Variants in ZNF101 observed in about 807,000 individuals in gnomAD.
ZNF101 encodes zinc finger protein 101 (Y2).
Under a neutral mutation model 42.6 loss-of-function variants are expected in ZNF101, and 34 were observed. That is an observed-to-expected ratio of 0.80 (90% CI 0.61 to 1.06). The LOEUF is 1.06. ZNF101 is among the 50% of genes least tolerant of loss of function. The pLI, the probability that ZNF101 is intolerant of heterozygous loss-of-function variation, is 0.00. For missense variants in ZNF101, 466 were observed against 530.9 expected (o/e 0.88, Z 1.20); for synonymous variants, 158 against 183.9 (o/e 0.86, Z 1.14).
In ZNF101 at chr19:19,679,718, T is replaced by G. The variant is rs2062226439; in HGVS notation, c.729T>G (p.His243Gln). 6.2e-7 allele frequency: 1 copy of G among 1,614,050 alleles called. No individual in the cohort carries two copies. Among genetic ancestry groups the G allele is most frequent in the Non-Finnish European group, 8.5e-7 (1 of 1,180,014 alleles). Residue 243 changes from histidine (H) to glutamine (Q), a missense_variant, in exon 4 of 4, where the codon CAT (histidine) becomes CAG (glutamine). Coordinates refer to ENST00000592502, the MANE Select transcript of ZNF101 (RefSeq NM_033204.4). ...PIDYPSLFQI[H>Q]VRTHTGEKPY... ...ATTATCCCAGTTTATTTCAAATTCA[T>G]GTTAGAACTCACACTGGAGAAAAAC...
At chr19:19,668,608 C>T (rs2062147157), upstream of ZNF101, among the ~76,000 whole-genome samples, 1 of 152,090 alleles carries the variant, frequency 6.6e-6, no homozygotes, top group African/African-American at 2.4e-5. Flanking sequence ...CATGCAAGTC[C>T]AGGTCCAAGG....
chr19:19,672,557 T>A (rs925299473), intron 1 of ZNF101, among the ~76,000 whole-genome samples: 1 of 123,220 alleles, frequency 8.1e-6, no homozygotes, highest in East Asian at 2.4e-4. Context: ...GCGGGGGGGG[T>A]CTCTGTTGCC....
upstream of ZNF101, chr19:19,668,783 C>T (rs1259290200): frequency 1.6e-5 from 11 of 691,036 alleles, no homozygotes; most frequent in Non-Finnish European, 2.5e-5. Flanking sequence ...TCAGGTGCGC[C>T]GGGAGGAGGG....
chr19:19,673,662 T>C (rs2062184799), intron 1 of ZNF101, among the ~76,000 whole-genome samples: 1 of 151,390 alleles, frequency 6.6e-6, no homozygotes, highest in South Asian at 2.1e-4. Context: ...GACTTCTTGG[T>C]TTTGTAATTT....
chr19:19,668,736 C>G, upstream of ZNF101: 1 of 505,168 alleles, frequency 2.0e-6, no homozygotes, highest in East Asian at 3.4e-5. Flanking sequence ...ACCTGGGGCA[C>G]CAGCCAGTCA....
At chr19:19,670,597 A>G (rs2062162236) in intron 1 of ZNF101, among the ~76,000 whole-genome samples, 1 of 152,056 alleles carries the variant, frequency 6.6e-6, no homozygotes, top group Non-Finnish European at 1.5e-5. Flanking sequence ...TTTCTACAAC[A>G]AATACAAAAA....
In ZNF101 at chr19:19,683,489, G is replaced by A. The variant is rs975850598; in HGVS notation, c.*3189G>A. On this transcript the variant is annotated 3_prime_UTR_variant, in exon 4 of 4. Transcript: ENST00000592502. ...TGTTAGCTGCAGGTTTTTAATAAAT[G>A]CCTTAATTCAGTTTGAAGAAGTTCC... The A allele has an allele frequency of 6.6e-6, 1 of 152,032 alleles. No individual in the cohort carries two copies. Among genetic ancestry groups the A allele is most frequent in the Admixed American group, 6.6e-5 (1 of 15,252 alleles). The allele number at this position is 152,032 out of a possible 1,614,324, so 9.4% of individuals were successfully genotyped here.
At chr19:19,674,347 T>C (rs886127804) in intron 1 of ZNF101, among the ~76,000 whole-genome samples, 1 of 152,056 alleles carries the variant, frequency 6.6e-6, no homozygotes, top group Non-Finnish European at 1.5e-5. Context: ...TGGCTGATTG[T>C]GTATTTTTAG....
Position 19,679,519 on chromosome 19 carries a change from C to A in ZNF101, c.530C>A (p.Ala177Asp). The A allele has an allele frequency of 3.1e-6, 5 of 1,614,126 alleles. No homozygotes were observed. The South Asian group carries it at 3.3e-5, about 11-fold the overall frequency. Residue 177 changes from alanine to aspartate, a missense_variant, in exon 4 of 4, where the codon GCC (alanine) becomes GAC (aspartate). Ala to Asp is a moderately radical substitution (Grantham distance 126). Transcript: ENST00000592502. ...RPYECKVCGK[A>D]FNSPNLFQIH... ...TATGAATGCAAGGTGTGCGGGAAAG[C>A]CTTTAATTCTCCCAATTTATTTCAA...
At chr19:19,668,553 G>C (rs369480064), upstream of ZNF101, among the ~76,000 whole-genome samples, 3 of 152,068 alleles carry the variant, frequency 2.0e-5, no homozygotes, top group African/African-American at 7.2e-5. Flanking sequence ...GGAAGGAGGG[G>C]AACAGTCTGG....
chr19:19,668,976 C>T lies in ZNF101; in HGVS notation c.3+10C>T. ...CCGGAAGCCGGAAATGGTGAGCGTG[C>T]GGAGCCGGGCGTCCGGAGACCTGAG... On this transcript the variant is annotated intron_variant, in intron 1 of 3. Transcript: ENST00000592502. 2 of 1,584,892 alleles carry T rather than the reference C, an allele frequency of 1.3e-6. No homozygotes were observed. Among genetic ancestry groups the T allele is most frequent in the Non-Finnish European group, 8.6e-7 (1 of 1,166,616 alleles).
intron 1 of ZNF101, 41 bp downstream of exon 1, chr19:19,669,007 G>C: frequency 6.4e-7 from 1 of 1,568,934 alleles, no homozygotes; most frequent in Non-Finnish European, 8.6e-7. Context: ...CTGAGGAGGA[G>C]CTGGTCGGAA....
chr19:19,675,774 G>A (rs2062199281), intron 1 of ZNF101, among the ~76,000 whole-genome samples: 1 of 152,090 alleles, frequency 6.6e-6, no homozygotes, highest in African/African-American at 2.4e-5. Context: ...TTTCAGAGGC[G>A]AAGGTGGGCA....
chr19:19,677,784 A>G (rs1440793040), intron 1 of ZNF101, 80 bp from the exon 2 acceptor site: 2 of 1,551,164 alleles, frequency 1.3e-6, no homozygotes, highest in East Asian at 2.4e-5. Context: ...GCCCGGCGTC[A>G]TGGGATCACT....
At chr19:19,674,030 G>C (rs2062187692) in intron 1 of ZNF101, among the ~76,000 whole-genome samples, 1 of 151,814 alleles carries the variant, frequency 6.6e-6, no homozygotes, top group South Asian at 2.1e-4. Flanking sequence ...CTAACCTTTT[G>C]ATCCACCTGC....
intron 1 of ZNF101, among the ~76,000 whole-genome samples, chr19:19,671,568 C>T (rs2062170410): frequency 6.6e-6 from 1 of 150,552 alleles, no homozygotes; most frequent in African/African-American, 2.5e-5. Context: ...GGCGCGATCT[C>T]GGCTCACTGC....
At chr19:19,674,257 A>G (rs550370815) in intron 1 of ZNF101, among the ~76,000 whole-genome samples, 1 of 151,924 alleles carries the variant, frequency 6.6e-6, no homozygotes, top group Admixed American at 6.6e-5. Context: ...GCTCACTGCA[A>G]CCTCTGCCTC....
In ZNF101 at chr19:19,679,820, G is replaced by T. The variant is rs1171383171; in HGVS notation, c.831G>T (p.Ala277=). The stretch of plus-strand genomic sequence containing the variant: ...GGACACATGAAATCAGATCTCACGC[G>T]CTGGAGAAATCCCACCAATGTCAGG... ...YLRTHEIRSH[A]LEKSHQCQEC... Residue 277 remains alanine (A), a synonymous_variant, in exon 4 of 4, where the codon GCG becomes GCT. Coordinates refer to ENST00000592502, the MANE Select transcript of ZNF101 (RefSeq NM_033204.4). 2 of 1,613,548 alleles carry T rather than the reference G, an allele frequency of 1.2e-6. No individual in the cohort carries two copies. Among genetic ancestry groups the T allele is most frequent in the Non-Finnish European group, 1.7e-6 (2 of 1,179,932 alleles).
chr19:19,669,018 C>G, intron 1 of ZNF101, 52 bp downstream of exon 1: 7 of 1,557,230 alleles, frequency 4.5e-6, no homozygotes, highest in Non-Finnish European at 6.1e-6. Flanking sequence ...CTGGTCGGAA[C>G]CGGCAGTGGC....
Sources: gnomAD v4.1 joint callset for allele counts (sites outside exome capture counted in the v4.1 genomes callset) on GRCh38, gnomAD v4.1.1 for gene constraint, MANE v1.5 for transcripts, NCBI Gene and HGNC (gene_info 2026-07-23, HGNC 2026-07-21) for gene names.